ZNF808: variants seen among roughly 807,000 people sequenced by gnomAD.
ZNF808 encodes zinc finger protein 808.
In ZNF808, 5 loss-of-function variants were observed where a neutral mutation model predicts 8.7. The observed-to-expected ratio is 0.58, with a 90% CI of 0.30 to 1.21. The LOEUF is 1.21. ZNF808 is among the 50% of genes most tolerant of loss of function. The pLI is 0.07. For missense variants in ZNF808, 1,103 were observed against 1,098.4 expected (o/e 1.00, Z -0.06); for synonymous variants, 380 against 366.0 (o/e 1.04, Z -0.44).
chr19:52,567,933 G>A (rs540669672), downstream of ZNF808, among the ~76,000 whole-genome samples: 1 of 152,352 alleles, frequency 6.6e-6, no homozygotes, highest in South Asian at 2.1e-4. Flanking sequence ...CAACAAGGGA[G>A]ATAGTACCTG....
chr19:52,539,547 G>GTTTTTTT (rs2059649076), intron 2 of ZNF808, among the ~76,000 whole-genome samples: 1 of 73,364 alleles, frequency 1.4e-5, no homozygotes, highest in African/African-American at 5.9e-5. Context: ...TTGTTGTGGT[G>GTTTTTTT]GTTTTTTTTT....
Position 52,529,270 on chromosome 19 carries a change from T to C in ZNF808, c.-122+1559T>C, listed in dbSNP as rs147081622. On this transcript the variant is annotated intron_variant, in intron 1 of 4. Transcript: ENST00000359798. ...AATCGTGTGCACCTGTACTCCCAGC[T>C]GCTCTGGAGGTGGAGGTAGGAGGAT... Among the ~76,000 whole-genome samples the C allele has an allele frequency of 8.9e-3, 1,347 of 151,328 alleles. 8 individuals carry two copies. Among genetic ancestry groups the C allele is most frequent in the Middle Eastern group, 0.045 (13 of 288 alleles).
At chr19:52,568,189 T>G (rs1266446707), downstream of ZNF808, among the ~76,000 whole-genome samples, 1 of 152,094 alleles carries the variant, frequency 6.6e-6, no homozygotes, top group East Asian at 1.9e-4. Context: ...CTGGCCAACA[T>G]GGGGAAACCC....
chr19:52,539,631 G>A (rs772882528), intron 2 of ZNF808, among the ~76,000 whole-genome samples: 38 of 125,338 alleles, frequency 3.0e-4, no homozygotes, highest in Non-Finnish European at 4.8e-4. Flanking sequence ...CTTGCTCACT[G>A]CAACCTTTGC....
At chr19:52,539,435 C>T (rs895703974) in intron 2 of ZNF808, among the ~76,000 whole-genome samples, 62 of 151,836 alleles carry the variant, frequency 4.1e-4, no homozygotes, top group Middle Eastern at 3.4e-3. Context: ...TGTGATCCAC[C>T]GCCTTGGCCT....
chr19:52,534,753 G>T (rs1241121538), intron 2 of ZNF808, among the ~76,000 whole-genome samples: 1 of 151,942 alleles, frequency 6.6e-6, no homozygotes, highest in Admixed American at 6.6e-5. Context: ...GCTGGGCATG[G>T]TCGTGTGCGC....
intron 2 of ZNF808, among the ~76,000 whole-genome samples, chr19:52,535,424 AC>A (rs887297945): frequency 4.6e-5 from 7 of 150,874 alleles, no homozygotes; most frequent in African/African-American, 9.8e-5. Flanking sequence ...TTACTTTGTC[AC>A]CCAGGCTGGC....
rs748498322 is a variant in ZNF808 at position 52,554,617 on chromosome 19, C to T, written c.1701C>T (p.Tyr567=). 1.4e-5 allele frequency: 22 copies of T among 1,613,766 alleles called. No homozygotes were observed. Among genetic ancestry groups the T allele is most frequent in the African/African-American group, 5.3e-5 (4 of 74,922 alleles). Residue 567 remains tyrosine, a synonymous_variant, in exon 5 of 5, where the codon TAC becomes TAT. Coordinates refer to ENST00000359798, the MANE Select transcript of ZNF808 (RefSeq NM_001039886.4). ...HTRIHTAKKP[Y]KCNECGKAFN... is the part of the protein sequence containing the mutation. ...GAATTCACACTGCAAAGAAACCTTACAAGTGTAATGAATGTGGGAAAGCTT... is the reference window on the plus strand; with the variant it reads ...GAATTCACACTGCAAAGAAACCTTATAAGTGTAATGAATGTGGGAAAGCTT...
chr19:52,554,289 A>C lies in ZNF808; in HGVS notation c.1373A>C (p.Lys458Thr), dbSNP rs745727706. 1 of 1,614,070 alleles carries C rather than the reference A, an allele frequency of 6.2e-7. No individual in the cohort carries two copies. The highest frequency in any genetic ancestry group is 1.7e-5 in the Admixed American group (1 of 60,002). ...IHTGEKPYKC[K>T]VCDTAFTCNS... The stretch of plus-strand genomic sequence containing the variant: ...ACTGGAGAGAAACCATACAAATGTA[A>C]GGTTTGTGATACAGCTTTCACGTGT... Residue 458 changes from lysine (K) to threonine (T), a missense_variant, in exon 5 of 5, where the codon AAG (lysine) becomes ACG (threonine). By Grantham distance (78) the Lys-to-Thr change is moderately conservative (BLOSUM62 -1). Transcript: ENST00000359798.
chr19:52,538,330 A>AATTATTATTATTATTATTATT (rs760151370), intron 2 of ZNF808, among the ~76,000 whole-genome samples: 931 of 123,622 alleles, frequency 7.5e-3, no homozygotes, highest in African/African-American at 0.021. Flanking sequence ...CCTACATACT[A>AATTATTATTATTATTATTATT]ATTATTATTA....
At chr19:52,536,565 C>T (rs2059613563) in intron 2 of ZNF808, among the ~76,000 whole-genome samples, 1 of 152,312 alleles carries the variant, frequency 6.6e-6, no homozygotes, top group East Asian at 1.9e-4. Context: ...TCACCGCTTC[C>T]CCTGAACCAG....
downstream of ZNF808, among the ~76,000 whole-genome samples, chr19:52,557,063 C>T (rs113068753): frequency 0.021 from 3,252 of 152,154 alleles, 103 homozygotes; most frequent in African/African-American, 0.067. Context: ...CTCTGCCTCC[C>T]GGCATCAAGT....
At chr19:52,529,399 G>A (rs1455536156) in intron 1 of ZNF808, among the ~76,000 whole-genome samples, 3 of 152,044 alleles carry the variant, frequency 2.0e-5, no homozygotes, top group Admixed American at 6.6e-5. Flanking sequence ...AAAATGGGGC[G>A]AGAGACTGGG....
At chr19:52,544,760 C>T (rs1156486564) in intron 3 of ZNF808, among the ~76,000 whole-genome samples, 1 of 152,092 alleles carries the variant, frequency 6.6e-6, no homozygotes. Context: ...GCTGGCATTC[C>T]AAATGGGAGA....
downstream of ZNF808, among the ~76,000 whole-genome samples, chr19:52,558,546 A>AT (rs1420380903): frequency 1.3e-5 from 2 of 150,430 alleles, no homozygotes; most frequent in Non-Finnish European, 1.5e-5. Flanking sequence ...TAATTTTTAT[A>AT]TTTTTAGTAG....
rs548780416 is a variant in ZNF808, at chr19:52,531,068, T to C, written c.-121-1840T>C. ...GGAGGCTGAAGCAGGAGAATCTCTT[T>C]AGGCAGGAGAATCATGCCACTACAC... On this transcript the variant is annotated intron_variant, in intron 1 of 4. Transcript: ENST00000359798. 2.0e-5 allele frequency among the ~76,000 whole-genome samples: 3 copies of C among 152,214 alleles called. No individual in the cohort carries two copies. In the South Asian group the frequency reaches 6.2e-4, roughly 32 times the overall value.
In ZNF808 at chr19:52,546,943, CTTTTTTTTT is replaced by C. The variant is rs1172936091; in HGVS notation, c.64-554_64-546del. 7.6e-5 allele frequency among the ~76,000 whole-genome samples: 6 copies of C among 78,480 alleles called. No homozygotes were observed. The East Asian group carries it at 2.4e-3, about 32-fold the overall frequency. The allele number at this position is 78,480 out of a possible 152,430, so 51.5% of individuals were successfully genotyped here. On this transcript the variant is annotated intron_variant, in intron 3 of 4. Coordinates refer to ENST00000359798, the MANE Select transcript of ZNF808 (RefSeq NM_001039886.4). ...AGGCGAGAGCCATTGCCTGGAATTG[CTTTTTTTTT>C]TTTTTTTTTTTTTTAGATGGAGTGT...
intron 2 of ZNF808, 22 bp downstream of exon 2, chr19:52,533,031 TCAAA>T (rs1393846884): frequency 1.3e-5 from 2 of 152,302 alleles, no homozygotes; most frequent in African/African-American, 2.4e-5. Context: ...ACACCCTATC[TCAAA>T]CAAACAAGCC....
chr19:52,541,782 C>G (rs866071313), intron 2 of ZNF808, among the ~76,000 whole-genome samples: 1 of 152,148 alleles, frequency 6.6e-6, no homozygotes, highest in South Asian at 2.1e-4. Context: ...TTACACGACT[C>G]CATGTCCCCT....
Sources: allele counts gnomAD v4.1 joint callset (sites outside exome capture counted in the v4.1 genomes callset), GRCh38; gene constraint gnomAD v4.1.1; transcripts MANE v1.5; gene names NCBI Gene and HGNC (gene_info 2026-07-23, HGNC 2026-07-21).